Variants in PDIA5 observed in about 807,000 individuals in gnomAD.
PDIA5 encodes protein disulfide-isomerase A5.
A neutral mutation model predicts 77.6 loss-of-function variants in PDIA5; 58 were observed. The ratio of observed to expected loss-of-function variants is 0.75; its 90% CI spans 0.61 to 0.93. The LOEUF (loss-of-function observed/expected upper bound fraction) is 0.93. Ranked by LOEUF, PDIA5 falls within the 40% of genes least tolerant of loss-of-function variation. PDIA5 has a pLI of 0.00. For missense variants in PDIA5, 630 were observed against 647.7 expected, an observed-to-expected ratio of 0.97 and a Z score of 0.30; for synonymous variants, 250 against 252.1, an observed-to-expected ratio of 0.99 and a Z score of 0.08.
intron 3 of PDIA5, among the ~76,000 whole-genome samples, chr3:123,093,749 G>A (rs928503694): frequency 6.6e-6 from 1 of 152,220 alleles, no homozygotes; most frequent in African/African-American, 2.4e-5. Flanking sequence ...CACAAACACA[G>A]ACTATATGCA....
At chr3:123,099,077 T>C (rs1477322958) in intron 3 of PDIA5, among the ~76,000 whole-genome samples, 1 of 149,116 alleles carries the variant, frequency 6.7e-6, no homozygotes, top group Non-Finnish European at 1.5e-5. Flanking sequence ...ACACACACAC[T>C]ACTCACACTT....
chr3:123,102,350 C>T, intron 3 of PDIA5, 61 bp from the exon 4 acceptor site: 1 of 1,293,494 alleles, frequency 7.7e-7, no homozygotes, highest in Non-Finnish European at 1.1e-6. Flanking sequence ...GCAGATTTTG[C>T]TGTCAACACC....
intron 2 of PDIA5, among the ~76,000 whole-genome samples, chr3:123,090,992 C>T (rs1218438426): frequency 6.6e-6 from 1 of 152,214 alleles, no homozygotes; most frequent in Non-Finnish European, 1.5e-5. Context: ...CCCTCCCATC[C>T]TTCCAAGCAG....
chr3:123,150,506 C>A, intron 14 of PDIA5, 142 bp downstream of exon 14: 2 of 723,178 alleles, frequency 2.8e-6, no homozygotes, highest in Non-Finnish European at 4.3e-6. Flanking sequence ...CCAGGCTCTC[C>A]AATTTTATTC....
At chr3:123,136,286 C>T (rs760657682) in intron 11 of PDIA5, among the ~76,000 whole-genome samples, 26 of 152,184 alleles carry the variant, frequency 1.7e-4, no homozygotes, top group Middle Eastern at 3.2e-3. Flanking sequence ...TAACAGCATT[C>T]TTGTTATCAG....
intron 1 of PDIA5, among the ~76,000 whole-genome samples, chr3:123,082,408 G>A (rs973649279): frequency 1.3e-5 from 2 of 152,120 alleles, no homozygotes; most frequent in Non-Finnish European, 2.9e-5. Context: ...TTCTTCATCT[G>A]TAGGATGAGG....
At chr3:123,160,458 C>T (rs1314536588) in intron 15 of PDIA5, among the ~76,000 whole-genome samples, 2 of 152,198 alleles carry the variant, frequency 1.3e-5, no homozygotes, top group Non-Finnish European at 2.9e-5. Context: ...CGGGGCTCCT[C>T]CAGTTTCCAG....
At chr3:123,134,539 T>C (rs1232156036) in intron 11 of PDIA5, among the ~76,000 whole-genome samples, 1 of 152,134 alleles carries the variant, frequency 6.6e-6, no homozygotes, top group Admixed American at 6.5e-5. Flanking sequence ...GGAGACACCA[T>C]GGGCCCTGCT....
At chr3:123,114,635 G>A (rs1401137091) in intron 7 of PDIA5, among the ~76,000 whole-genome samples, 3 of 152,180 alleles carry the variant, frequency 2.0e-5, no homozygotes, top group African/African-American at 7.2e-5. Context: ...ATTTCCCCCT[G>A]AGCGTTGTTC....
At chr3:123,139,996 G>A (rs951652964) in intron 11 of PDIA5, among the ~76,000 whole-genome samples, 1 of 152,184 alleles carries the variant, frequency 6.6e-6, no homozygotes, top group Non-Finnish European at 1.5e-5. Flanking sequence ...ACAGGATATT[G>A]GGAGAGGGCA....
chr3:123,110,186 T>C (rs545281652), intron 6 of PDIA5, among the ~76,000 whole-genome samples: 12 of 152,368 alleles, frequency 7.9e-5, no homozygotes, highest in Admixed American at 3.9e-4. Context: ...CACACTCAAG[T>C]CTTTACATGA....
chr3:123,153,917 G>A (rs1935965670), intron 14 of PDIA5, among the ~76,000 whole-genome samples: 3 of 152,230 alleles, frequency 2.0e-5, no homozygotes, highest in Non-Finnish European at 4.4e-5. Context: ...GAGGGAGGCT[G>A]GCTGACGTAG....
intron 6 of PDIA5, among the ~76,000 whole-genome samples, chr3:123,110,421 G>A (rs866494545): frequency 1.3e-5 from 2 of 152,090 alleles, no homozygotes; most frequent in Non-Finnish European, 2.9e-5. Context: ...AGAGATTAGC[G>A]AGAGATTAGT....
intron 11 of PDIA5, among the ~76,000 whole-genome samples, chr3:123,138,977 A>G (rs181725760): frequency 1.9e-3 from 282 of 152,284 alleles, no homozygotes; most frequent in Non-Finnish European, 3.2e-3. Context: ...AATCATAAGT[A>G]TAATTGAATT....
intron 1 of PDIA5, among the ~76,000 whole-genome samples, chr3:123,070,903 C>T (rs1933707530): frequency 6.6e-6 from 1 of 151,498 alleles, no homozygotes; most frequent in Non-Finnish European, 1.5e-5. Context: ...GTTTTCTGGT[C>T]TGCAGTCAAA....
Position 123,138,881 on chromosome 3 carries a change from T to C in PDIA5, c.911-6641T>C, listed in dbSNP as rs1176264156. Among the ~76,000 whole-genome samples the C allele has an allele frequency of 2.6e-5, 4 of 152,320 alleles. No homozygotes were observed. The East Asian group carries it at 7.7e-4, about 29-fold the overall frequency. ...CCAAGTACTACCCCAGTACCCTGGC[T>C]ACCAGGGAGCTTTACAGATTAATCT... On this transcript the variant is annotated intron_variant, in intron 11 of 16. Coordinates refer to ENST00000316218, the MANE Select transcript of PDIA5 (RefSeq NM_006810.4).
At chr3:123,145,990 A>T in intron 12 of PDIA5, 109 bp from the exon 13 acceptor site, 1 of 1,027,848 alleles carries the variant, frequency 9.7e-7, no homozygotes, top group Non-Finnish European at 1.5e-6. Context: ...CACCCCAGTT[A>T]AATTCCAGCA....
chr3:123,077,549 TACAC>T (rs368009624), intron 1 of PDIA5, among the ~76,000 whole-genome samples: 12,076 of 136,406 alleles, frequency 0.089, 870 homozygotes, highest in Admixed American at 0.23. Context: ...CTCACACACA[TACAC>T]ACACACACAC....
chr3:123,105,747 A>G (rs548261005), intron 5 of PDIA5, among the ~76,000 whole-genome samples: 6,820 of 152,090 alleles, frequency 0.045, 213 homozygotes, highest in African/African-American at 0.091. Flanking sequence ...ACGCACACAC[A>G]CACACACACA....
Sources: gnomAD v4.1 joint callset for allele counts (sites outside exome capture counted in the v4.1 genomes callset) on GRCh38, gnomAD v4.1.1 for gene constraint, MANE v1.5 for transcripts, NCBI Gene and HGNC (gene_info 2026-07-23, HGNC 2026-07-21) for gene names.